PCNX2: variants seen among roughly 807,000 people sequenced by gnomAD.
PCNX2 encodes pecanex-like protein 2.
Under a neutral mutation model 223.8 loss-of-function variants are expected in PCNX2, and 168 were observed. That is an observed-to-expected ratio of 0.75 (90% CI 0.66 to 0.85). The LOEUF (loss-of-function observed/expected upper bound fraction) is 0.85, where lower values mean the gene tolerates loss of function less well. PCNX2 is among the 40% of genes least tolerant of loss of function. The probability of loss-of-function intolerance (pLI) is 0.00; values close to 1 mark genes in which losing one functional copy is unlikely to be tolerated. For synonymous variants in PCNX2, 1,006 were observed against 1,052.6 expected (o/e 0.96, Z 0.86); for missense variants, 2,507 against 2,675.5 (o/e 0.94, Z 1.39).
At chr1:233,140,104 CTTCATATATAATTTACTGA>C (rs755492640) in intron 19 of PCNX2, among the ~76,000 whole-genome samples, 87,804 of 151,798 alleles carry the variant, frequency 0.58, 26,169 homozygotes, top group African/African-American at 0.72. Flanking sequence ...CAATTGATTT[CTTCATATATAATTTACTGA>C]GACCAATGAA....
intron 22 of PCNX2, among the ~76,000 whole-genome samples, chr1:233,092,999 C>T (rs1673958845): frequency 6.6e-6 from 1 of 152,116 alleles, no homozygotes; most frequent in Admixed American, 6.5e-5. Flanking sequence ...CGGGGTTTCA[C>T]CGTGTTAGCC....
chr1:233,289,441 T>C (rs1275683333), intron 1 of PCNX2: 16 of 1,388,182 alleles, frequency 1.2e-5, no homozygotes, highest in Non-Finnish European at 1.5e-5. Context: ...GCGCTCGTAC[T>C]GAACATGGCC....
rs370980004 is a variant in PCNX2 at position 233,137,384 on chromosome 1, G to T, written c.3660-2194C>A. 5.4e-4 allele frequency among the ~76,000 whole-genome samples: 82 copies of T among 152,308 alleles called. 1 individual carries two copies. The South Asian group carries it at 0.013, about 24-fold the overall frequency. ...TGGGCACCCTGAGCTGCCAGGACAG[G>T]CTCCAGCCACTGGATGCACTGAATT... On this transcript the variant is annotated intron_variant, in intron 20 of 33. Coordinates refer to ENST00000258229, the MANE Select transcript of PCNX2 (RefSeq NM_014801.4).
chr1:233,134,770 AT>A, intron 21 of PCNX2: 1 of 549,058 alleles, frequency 1.8e-6, no homozygotes, highest in Non-Finnish European at 3.2e-6. Context: ...AGGTAATAAA[AT>A]TTCAAGTCAC....
At position 233,117,744 on chromosome 1, in the gene PCNX2, C is replaced by T. The variant is rs925588528; in HGVS notation, c.3837+17269G>A. On this transcript the variant is annotated intron_variant, in intron 21 of 33. Coordinates refer to ENST00000258229, the MANE Select transcript of PCNX2 (RefSeq NM_014801.4). ...AAGAATTATAGGCCAGGCGCGGTGGCTCACGCCTGTAATCCCAGCACTTTG... is the reference window on the plus strand; with the variant it reads ...AAGAATTATAGGCCAGGCGCGGTGGTTCACGCCTGTAATCCCAGCACTTTG... Among the ~76,000 whole-genome samples, 7 of 151,908 alleles carry T rather than the reference C, an allele frequency of 4.6e-5. No individual in the cohort carries two copies. The South Asian group carries it at 6.2e-4, about 14-fold the overall frequency.
chr1:233,213,135 C>T (rs762612451), intron 12 of PCNX2, among the ~76,000 whole-genome samples: 2 of 152,194 alleles, frequency 1.3e-5, no homozygotes, highest in African/African-American at 2.4e-5. Flanking sequence ...AAACTATTAG[C>T]ATACTGGCAT....
rs138422705 is a variant in PCNX2 at position 232,999,778 on chromosome 1, T to C, written c.5329-399A>G. On this transcript the variant is annotated intron_variant, in intron 30 of 33. Transcript: ENST00000258229. The stretch of plus-strand genomic sequence containing the variant: ...ACTGAATATCTGTGACTACAAAACT[T>C]TGGTGTAAAGCTCTTTTCACAGTTA... Among the ~76,000 whole-genome samples, 744 of 152,254 alleles carry C rather than the reference T, an allele frequency of 4.9e-3. 10 individuals are homozygous for C. Among genetic ancestry groups the C allele is most frequent in the African/African-American group, 0.017 (712 of 41,544 alleles).
chr1:233,290,893 A>T lies in PCNX2; in HGVS notation c.153+4433T>A. The T allele has an allele frequency of 3.0e-6, 3 of 985,392 alleles. No individual in the cohort carries two copies. The South Asian group carries it at 1.4e-4, about 46-fold the overall frequency. The allele number at this position is 985,392 out of a possible 1,614,324, so 61.0% of individuals were successfully genotyped here. A position where few individuals can be genotyped will look rare whatever the true frequency, so the allele number is the denominator to read the frequency against. ...GGGAAAGGGCTGCCCATACAAACAT[A>T]TATGCCAGGCCTGGAAAATTAAGTC... On this transcript the variant is annotated intron_variant, in intron 1 of 33. Transcript: ENST00000258229.
rs7552309 is a variant in PCNX2, at chr1:233,118,091, A to C, written c.3837+16922T>G. ...TGCAAGGTTGGTTTAATTTTCAAAA[A>C]TCAATCAATGTAATCCACTTATTAA... On this transcript the variant is annotated intron_variant, in intron 21 of 33. Transcript: ENST00000258229. Among the ~76,000 whole-genome samples the C allele has an allele frequency of 4.3e-3, 656 of 152,340 alleles. 3 individuals carry two copies. The highest frequency in any genetic ancestry group is 0.015 in the African/African-American group (637 of 41,572).
chr1:233,323,081 C>T, the PCNX2 span, among the ~76,000 whole-genome samples: 1 of 152,120 alleles, frequency 6.6e-6, no homozygotes, highest in Admixed American at 6.6e-5. Flanking sequence ...ATTCTAAAAC[C>T]CAAGAAGCTC....
chr1:233,200,383 CTTTTTTTTTTTTTT>C, intron 13 of PCNX2, 119 bp from the exon 14 acceptor site: 1 of 210,450 alleles, frequency 4.8e-6, no homozygotes, highest in South Asian at 3.9e-5. Flanking sequence ...TGGAGGCAAT[CTTTTTTTTTTTTTT>C]TTTTTTTTTT....
intron 12 of PCNX2, among the ~76,000 whole-genome samples, chr1:233,217,217 T>C (rs983352313): frequency 6.6e-6 from 1 of 151,948 alleles, no homozygotes; most frequent in African/African-American, 2.4e-5. Flanking sequence ...TTAAATGTTC[T>C]CACCAGAAAA....
At chr1:233,083,414 T>G (rs1392563816) in intron 23 of PCNX2, among the ~76,000 whole-genome samples, 3 of 152,148 alleles carry the variant, frequency 2.0e-5, no homozygotes, top group African/African-American at 4.8e-5. Context: ...CCGATTCAAC[T>G]CAATGAAGAG....
intron 26 of PCNX2, chr1:233,018,625 A>G (rs1010564729): frequency 2.8e-6 from 1 of 358,136 alleles, no homozygotes; most frequent in Non-Finnish European, 3.9e-6. Context: ...TGAAAATCCA[A>G]GCCTGATAGG....
chr1:233,075,346 C>G (rs1392149098), intron 23 of PCNX2, among the ~76,000 whole-genome samples: 1 of 152,076 alleles, frequency 6.6e-6, no homozygotes, highest in South Asian at 2.1e-4. Flanking sequence ...GTGTAGGATT[C>G]CATTTATATA....
intron 19 of PCNX2, among the ~76,000 whole-genome samples, chr1:233,147,226 A>G (rs1427309892): frequency 6.6e-6 from 1 of 152,172 alleles, no homozygotes; most frequent in Non-Finnish European, 1.5e-5. Flanking sequence ...CCAAAACTTA[A>G]CTACCATTAG....
At chr1:233,302,488 T>C in the PCNX2 span, among the ~76,000 whole-genome samples, 1 of 152,054 alleles carries the variant, frequency 6.6e-6, no homozygotes, top group Non-Finnish European at 1.5e-5. Context: ...AGAAAAAATT[T>C]CAGCTTTTTC....
At chr1:233,265,540 T>C (rs1011593736) in intron 1 of PCNX2, among the ~76,000 whole-genome samples, 1 of 152,186 alleles carries the variant, frequency 6.6e-6, no homozygotes, top group Non-Finnish European at 1.5e-5. Context: ...AGATGATATG[T>C]CTATAAGATG....
At chr1:233,326,830 G>C in the PCNX2 span, among the ~76,000 whole-genome samples, 2 of 152,114 alleles carry the variant, frequency 1.3e-5, no homozygotes, top group African/African-American at 4.8e-5. Context: ...ACCTACCAAC[G>C]TCTGGCACCC....
Sources: allele counts gnomAD v4.1 joint callset (sites outside exome capture counted in the v4.1 genomes callset), GRCh38; gene constraint gnomAD v4.1.1; transcripts MANE v1.5; gene names NCBI Gene and HGNC (gene_info 2026-07-23, HGNC 2026-07-21).